The following ZMYM4 variants were observed in gnomAD, a reference collection of about 807,000 sequenced individuals.
The protein encoded by ZMYM4 is zinc finger MYM-type containing 4, also known as zinc finger MYM-type protein 4.
A neutral mutation model predicts 183.2 loss-of-function variants in ZMYM4; 31 were observed. The ratio of observed to expected loss-of-function variants is 0.17; its 90% CI spans 0.13 to 0.23. The LOEUF (loss-of-function observed/expected upper bound fraction) is 0.23. Among genes scored for constraint, ZMYM4 ranks in the 10% least tolerant of loss-of-function variants. ZMYM4 has a pLI of 1.00. For missense variants in ZMYM4, 1,273 were observed against 1,840.3 expected (o/e 0.69, Z 5.64); for synonymous variants, 592 against 631.2 (o/e 0.94, Z 0.93).
intron 10 of ZMYM4, among the ~76,000 whole-genome samples, chr1:35,385,832 C>T (rs1444070824): frequency 6.6e-6 from 1 of 152,046 alleles, no homozygotes; most frequent in Non-Finnish European, 1.5e-5. Flanking sequence ...TTTTCCCTAC[C>T]TAATTTCTTT....
At chr1:35,280,977 G>T (rs913563425) in intron 1 of ZMYM4, among the ~76,000 whole-genome samples, 1 of 151,994 alleles carries the variant, frequency 6.6e-6, no homozygotes, top group Non-Finnish European at 1.5e-5. Flanking sequence ...TTTAAAAATT[G>T]ATTTTTTTAT....
intron 2 of ZMYM4, among the ~76,000 whole-genome samples, chr1:35,352,882 C>G (rs190319802): frequency 2.6e-4 from 40 of 152,204 alleles, no homozygotes; most frequent in Admixed American, 1.5e-3. Flanking sequence ...ATTTTAAGTA[C>G]CATCTCTTCA....
chr1:35,351,508 G>A (rs1393927764), intron 2 of ZMYM4: 1 of 1,450,042 alleles, frequency 6.9e-7, no homozygotes, highest in Non-Finnish European at 9.5e-7. Flanking sequence ...AAAAGAAGAG[G>A]TGGAACCATC....
intron 2 of ZMYM4, among the ~76,000 whole-genome samples, chr1:35,354,842 C>T (rs1040855989): frequency 2.0e-5 from 3 of 148,994 alleles, no homozygotes; most frequent in Admixed American, 1.3e-4. Context: ...TACCAGTTTG[C>T]ATTCCTACCA....
At chr1:35,330,261 G>C (rs1182595344) in intron 2 of ZMYM4, among the ~76,000 whole-genome samples, 3 of 151,978 alleles carry the variant, frequency 2.0e-5, no homozygotes, top group Non-Finnish European at 4.4e-5. Flanking sequence ...AGGGAGGAAG[G>C]ATAAGGAAGG....
At chr1:35,382,992 A>C (rs1455599960) in intron 9 of ZMYM4, among the ~76,000 whole-genome samples, 1 of 152,180 alleles carries the variant, frequency 6.6e-6, no homozygotes, top group African/African-American at 2.4e-5. Context: ...CAAACCAGAT[A>C]ATCAAAATTA....
chr1:35,372,879 T>C (rs1403582747), intron 7 of ZMYM4, among the ~76,000 whole-genome samples: 1 of 152,198 alleles, frequency 6.6e-6, no homozygotes, highest in African/African-American at 2.4e-5. Flanking sequence ...ATGTTGTGGC[T>C]GGGCGTGGTG....
At chr1:35,298,739 A>C (rs1234172855) in intron 1 of ZMYM4, among the ~76,000 whole-genome samples, 1 of 152,140 alleles carries the variant, frequency 6.6e-6, no homozygotes, top group Non-Finnish European at 1.5e-5. Context: ...TCTACTGACA[A>C]AGGTTAACAT....
chr1:35,415,779 A>G (rs1338055854), intron 28 of ZMYM4, 65 bp downstream of exon 28: 1 of 1,558,684 alleles, frequency 6.4e-7, no homozygotes, highest in Non-Finnish European at 8.7e-7. Context: ...ATAGAGAGTT[A>G]CTGCAGAAAG....
intron 7 of ZMYM4, among the ~76,000 whole-genome samples, chr1:35,379,284 A>G (rs911140995): frequency 6.6e-6 from 1 of 152,214 alleles, no homozygotes; most frequent in Non-Finnish European, 1.5e-5. Flanking sequence ...TATTTTTAAT[A>G]GAGATGGGAT....
rs775738760 is a variant in ZMYM4 at position 35,302,975 on chromosome 1, C to CA, written c.40-22370dup. Among the ~76,000 whole-genome samples the CA allele has an allele frequency of 5.8e-3, 623 of 108,316 alleles. 2 individuals carry two copies. The highest frequency in any genetic ancestry group is 0.025 in the Middle Eastern group (4 of 162). The allele number at this position is 108,316 out of a possible 152,430, so 71.1% of individuals were successfully genotyped here. On this transcript the variant is annotated intron_variant, in intron 1 of 29. Coordinates refer to ENST00000314607, the MANE Select transcript of ZMYM4 (RefSeq NM_005095.3). ...GAGCAATACAGGGAAACACTGTCTC[C>CA]AAAAAAAAAAAAAAATTATCCAGGG...
Position 35,351,051 on chromosome 1 carries a change from A to G in ZMYM4, c.86-7874A>G. 3.5e-6 allele frequency: 3 copies of G among 849,948 alleles called. No individual in the cohort carries two copies. The South Asian group carries it at 4.2e-5, about 12-fold the overall frequency. 52.7% of individuals were successfully genotyped at this position (849,948 alleles called of 1,614,324 possible). A position where few individuals can be genotyped will look rare whatever the true frequency, so the allele number is the denominator to read the frequency against. ...GCTGCTGGCCCGCAGCCTTCTCAAT[A>G]GGTTTGGCATGGACAAGATCTGTGA... On this transcript the variant is annotated intron_variant, in intron 2 of 29. Coordinates refer to ENST00000314607, the MANE Select transcript of ZMYM4 (RefSeq NM_005095.3).
intron 2 of ZMYM4, among the ~76,000 whole-genome samples, chr1:35,326,260 C>G (rs1195732771): frequency 2.0e-5 from 3 of 152,146 alleles, no homozygotes; most frequent in African/African-American, 7.2e-5. Flanking sequence ...TGAAACACTT[C>G]TAATATTAAA....
chr1:35,306,178 A>G (rs16837269), intron 1 of ZMYM4, among the ~76,000 whole-genome samples: 2,053 of 152,128 alleles, frequency 0.013, 51 homozygotes, highest in African/African-American at 0.047. Context: ...GAGTATTTAG[A>G]TGTATTCCTT....
At chr1:35,340,124 A>G (rs535871134) in intron 2 of ZMYM4, among the ~76,000 whole-genome samples, 1 of 152,368 alleles carries the variant, frequency 6.6e-6, no homozygotes, top group Admixed American at 6.5e-5. Context: ...AAAATCAAAT[A>G]ACAAAAATTT....
At chr1:35,281,556 G>A (rs1054063341) in intron 1 of ZMYM4, among the ~76,000 whole-genome samples, 3 of 151,834 alleles carry the variant, frequency 2.0e-5, no homozygotes, top group Admixed American at 6.6e-5. Flanking sequence ...TAATTTGCTT[G>A]ATTCAGTCAT....
At chr1:35,367,024 C>CAAAAAAA (rs1213113614) in intron 5 of ZMYM4, among the ~76,000 whole-genome samples, 2 of 82,882 alleles carry the variant, frequency 2.4e-5, no homozygotes. Flanking sequence ...AACTCCATCT[C>CAAAAAAA]AAAAAAAAAA....
chr1:35,398,376 A>G (rs1644845450), intron 20 of ZMYM4, 37 bp from the exon 21 acceptor site: 1 of 1,572,340 alleles, frequency 6.4e-7, no homozygotes, highest in South Asian at 1.1e-5. Flanking sequence ...TTTGTTGTCT[A>G]AACATAAATT....
At chr1:35,370,202 C>T in intron 6 of ZMYM4, 89 bp downstream of exon 6, 1 of 1,537,270 alleles carries the variant, frequency 6.5e-7, no homozygotes, top group Non-Finnish European at 8.9e-7. Context: ...AACCAGGCAG[C>T]TCTCTCTACC....
Sources: allele counts gnomAD v4.1 joint callset (sites outside exome capture counted in the v4.1 genomes callset), GRCh38; gene constraint gnomAD v4.1.1; transcripts MANE v1.5; gene names NCBI Gene and HGNC (gene_info 2026-07-23, HGNC 2026-07-21).